Variants in ARHGAP29 observed in about 807,000 individuals in gnomAD.
ARHGAP29 encodes rho GTPase-activating protein 29.
ARHGAP29 carries 43 observed loss-of-function variants against 122.6 expected under a neutral mutation model. That is an observed-to-expected ratio of 0.35 (90% confidence interval 0.27 to 0.45). The LOEUF (loss-of-function observed/expected upper bound fraction) is 0.45. Among genes scored for constraint, ARHGAP29 ranks in the 20% least tolerant of loss-of-function variants. ARHGAP29 has a pLI of 1.00. For missense variants in ARHGAP29, 1,303 were observed against 1,477.2 expected, an observed-to-expected ratio of 0.88 and a Z score of 1.93; for synonymous variants, 506 against 497.1, an observed-to-expected ratio of 1.02 and a Z score of -0.24.
chr1:94,184,420 T>G (rs1176818379), intron 18 of ARHGAP29, 132 bp from the exon 19 acceptor site: 1 of 730,478 alleles, frequency 1.4e-6, no homozygotes. Flanking sequence ...AGAAAAAAAC[T>G]ATTCAAGGCC....
At chr1:94,281,137 A>C in the ARHGAP29 span, among the ~76,000 whole-genome samples, 3 of 152,220 alleles carry the variant, frequency 2.0e-5, no homozygotes, top group Non-Finnish European at 4.4e-5. Context: ...CACAAAAAAC[A>C]GTGGAATATT....
upstream of ARHGAP29, among the ~76,000 whole-genome samples, chr1:94,277,309 A>T (rs983764732): frequency 6.6e-6 from 1 of 152,190 alleles, no homozygotes; most frequent in Non-Finnish European, 1.5e-5. Flanking sequence ...GATGAGTTAA[A>T]TATGCAGAGG....
chr1:94,295,708 A>C, the ARHGAP29 span, among the ~76,000 whole-genome samples: 4,595 of 140,056 alleles, frequency 0.033, 251 homozygotes, highest in African/African-American at 0.11. Context: ...TCTAATGTGG[A>C]ATTCTAACTC....
At chr1:94,185,527 T>G in intron 16 of ARHGAP29, 46 bp from the exon 17 acceptor site, 1 of 1,475,074 alleles carries the variant, frequency 6.8e-7, no homozygotes, top group Non-Finnish European at 9.2e-7. Context: ...GATAGAAAAA[T>G]TATACCATGT....
intron 1 of ARHGAP29, among the ~76,000 whole-genome samples, chr1:94,259,166 T>C (rs898238695): frequency 2.0e-5 from 3 of 152,188 alleles, no homozygotes; most frequent in Middle Eastern, 3.4e-3. Context: ...TCATAAGGAG[T>C]GTTCTTTTAC....
At chr1:94,179,067 C>CT (rs1649286136) in intron 20 of ARHGAP29, among the ~76,000 whole-genome samples, 1 of 152,156 alleles carries the variant, frequency 6.6e-6, no homozygotes, top group Admixed American at 6.5e-5. Flanking sequence ...ATGCTGTACT[C>CT]TATTTGTCTG....
intron 3 of ARHGAP29, among the ~76,000 whole-genome samples, chr1:94,211,812 T>C (rs1332930721): frequency 5.3e-5 from 8 of 152,336 alleles, no homozygotes; most frequent in African/African-American, 1.4e-4. Context: ...CGTGCATGTT[T>C]GTTACATACA....
chr1:94,237,633 C>A, upstream of ARHGAP29: 2 of 986,898 alleles, frequency 2.0e-6, no homozygotes, highest in Non-Finnish European at 1.2e-6. Flanking sequence ...ACCGCCCGCC[C>A]GCCAGCCCCG....
chr1:94,279,897 C>CT (rs1461722789), upstream of ARHGAP29, among the ~76,000 whole-genome samples: 2 of 151,902 alleles, frequency 1.3e-5, no homozygotes, highest in African/African-American at 4.8e-5. Context: ...CTGGTTCCAA[C>CT]TTTTTTTTAC....
chr1:94,217,074 A>C (rs1651991636), intron 3 of ARHGAP29, among the ~76,000 whole-genome samples: 1 of 152,234 alleles, frequency 6.6e-6, no homozygotes, highest in African/African-American at 2.4e-5. Flanking sequence ...CATGCATTCA[A>C]ACCTGTGGTA....
chr1:94,209,845 A>C (rs1651473643), intron 3 of ARHGAP29, among the ~76,000 whole-genome samples: 1 of 152,022 alleles, frequency 6.6e-6, no homozygotes, highest in African/African-American at 2.4e-5. Context: ...CAAAGCATAA[A>C]ACCTGTAACA....
At chr1:94,264,886 C>G (rs1654702565) in intron 1 of ARHGAP29, among the ~76,000 whole-genome samples, 1 of 152,150 alleles carries the variant, frequency 6.6e-6, no homozygotes, top group African/African-American at 2.4e-5. Context: ...ATTGCCACCC[C>G]CTCCTTTGGG....
chr1:94,289,440 G>A, the ARHGAP29 span, among the ~76,000 whole-genome samples: 4 of 152,158 alleles, frequency 2.6e-5, no homozygotes, highest in African/African-American at 9.7e-5. Context: ...TGCAAAGGCA[G>A]GGACAGTTTG....
Position 94,169,878 on chromosome 1 carries a change from G to A in ARHGAP29, c.*3991C>T, listed in dbSNP as rs1648617163. On this transcript the variant is annotated 3_prime_UTR_variant, in exon 23 of 23. Transcript: ENST00000260526. The stretch of plus-strand genomic sequence containing the variant: ...TGAAGAGACTCCCAAAAACCAAATC[G>A]GGGAAAATTTCAGCATGAAAATAAG... Among the ~76,000 whole-genome samples the A allele has an allele frequency of 6.6e-6, 1 of 152,066 alleles. No homozygotes were observed. Among genetic ancestry groups the A allele is most frequent in the Non-Finnish European group, 1.5e-5 (1 of 67,996 alleles).
At chr1:94,275,193 G>A (rs1351367006), upstream of ARHGAP29, 3 of 152,170 alleles carry the variant, frequency 2.0e-5, no homozygotes, top group Admixed American at 2.0e-4. Context: ...AAGTGTGTCT[G>A]GTGTGCATGA....
chr1:94,189,366 A>AAT lies in ARHGAP29; in HGVS notation c.1440-16_1440-15dup. 1 of 1,594,938 alleles carries AAT rather than the reference A, an allele frequency of 6.3e-7. No homozygotes were observed. Among genetic ancestry groups the AAT allele is most frequent in the Non-Finnish European group, 8.5e-7 (1 of 1,173,668 alleles). On this transcript the variant is annotated splice_polypyrimidine_tract_variant and intron_variant, in intron 13 of 22. Coordinates refer to ENST00000260526, the MANE Select transcript of ARHGAP29 (RefSeq NM_004815.4). ...TTATTTACATTTCTGAAACAACAAC[A>AAT]ATGACAAAAAACAAAACTCAACACT... is the stretch of plus-strand genomic sequence containing the variant.
At chr1:94,236,056 T>G (rs2101626302) in intron 1 of ARHGAP29, among the ~76,000 whole-genome samples, 1 of 152,330 alleles carries the variant, frequency 6.6e-6, no homozygotes, top group Non-Finnish European at 1.5e-5. Flanking sequence ...CAGCACAATT[T>G]CAGATTTGGC....
At chr1:94,247,212 G>A (rs954939588) in intron 1 of ARHGAP29, among the ~76,000 whole-genome samples, 5 of 152,106 alleles carry the variant, frequency 3.3e-5, no homozygotes, top group Non-Finnish European at 7.4e-5. Flanking sequence ...AAAACCAATG[G>A]GGTAAGGGTA....
chr1:94,245,059 C>T (rs775909299), intron 1 of ARHGAP29, among the ~76,000 whole-genome samples: 3 of 152,122 alleles, frequency 2.0e-5, no homozygotes, highest in Non-Finnish European at 4.4e-5. Flanking sequence ...ACTGAATAGT[C>T]AGAAGAAATT....
Sources: gnomAD v4.1 joint callset for allele counts (sites outside exome capture counted in the v4.1 genomes callset) on GRCh38, gnomAD v4.1.1 for gene constraint, MANE v1.5 for transcripts, NCBI Gene and HGNC (gene_info 2026-07-23, HGNC 2026-07-21) for gene names.